The following MAP2K1 variants were observed in gnomAD, a reference collection of about 807,000 sequenced individuals.
MAP2K1 encodes the protein mitogen-activated protein kinase kinase 1, also known as dual specificity mitogen-activated protein kinase kinase 1.
Under a neutral mutation model 46.3 loss-of-function variants are expected in MAP2K1, and 16 were observed. The observed-to-expected ratio is 0.35, with a 90% CI of 0.23 to 0.52. MAP2K1 has a LOEUF of 0.52. Ranked by LOEUF, MAP2K1 falls within the 20% of genes least tolerant of loss-of-function variation. The probability of loss-of-function intolerance (pLI) is 0.94; values close to 1 mark genes in which losing one functional copy is unlikely to be tolerated. For synonymous variants in MAP2K1, 183 were observed against 185.6 expected, an observed-to-expected ratio of 0.99 and a Z score of 0.11; for missense variants, 263 against 497.1, an observed-to-expected ratio of 0.53 and a Z score of 4.48.
At chr15:66,468,641 AT>A (rs561148724) in intron 5 of MAP2K1, among the ~76,000 whole-genome samples, 16 of 151,392 alleles carry the variant, frequency 1.1e-4, no homozygotes, top group South Asian at 2.1e-4. Context: ...TTTAAAAAAA[AT>A]TTTTTTTTGG....
intron 1 of MAP2K1, among the ~76,000 whole-genome samples, chr15:66,402,323 G>A (rs753546677): frequency 2.0e-5 from 3 of 152,170 alleles, no homozygotes; most frequent in Non-Finnish European, 2.9e-5. Flanking sequence ...GGTATGAGGT[G>A]TATGTCTAAG....
chr15:66,415,606 A>G (rs548032350), intron 1 of MAP2K1, among the ~76,000 whole-genome samples: 19 of 151,740 alleles, frequency 1.3e-4, no homozygotes, highest in South Asian at 4.2e-4. Flanking sequence ...TCAAATTCTC[A>G]TCTTGTCTTG....
intron 5 of MAP2K1, among the ~76,000 whole-genome samples, chr15:66,459,519 G>T (rs1892262577): frequency 6.6e-6 from 1 of 151,502 alleles, no homozygotes; most frequent in Non-Finnish European, 1.5e-5. Flanking sequence ...TCAGGAGGCT[G>T]AGGCAGGAGA....
chr15:66,398,390 G>T (rs2093373355), intron 1 of MAP2K1, among the ~76,000 whole-genome samples: 1 of 152,214 alleles, frequency 6.6e-6, no homozygotes, highest in African/African-American at 2.4e-5. Context: ...ACTCTAGCCT[G>T]GGTGAGAGTG....
intron 5 of MAP2K1, among the ~76,000 whole-genome samples, chr15:66,479,821 C>A (rs947536696): frequency 6.6e-6 from 1 of 152,148 alleles, no homozygotes; most frequent in Non-Finnish European, 1.5e-5. Flanking sequence ...ATGGTGATTA[C>A]CCCCAGGCTG....
intron 5 of MAP2K1, among the ~76,000 whole-genome samples, chr15:66,462,523 TA>T (rs959717050): frequency 7.0e-6 from 1 of 142,024 alleles, no homozygotes. Flanking sequence ...AAAAGATTGG[TA>T]AAAAAATGGA....
At chr15:66,429,045 A>G (rs1400203910) in intron 1 of MAP2K1, among the ~76,000 whole-genome samples, 2 of 152,022 alleles carry the variant, frequency 1.3e-5, no homozygotes, top group Admixed American at 6.5e-5. Flanking sequence ...CTCCCAGAGT[A>G]CTAGGATTAC....
intron 1 of MAP2K1, among the ~76,000 whole-genome samples, chr15:66,387,670 G>C (rs2093345294): frequency 6.6e-6 from 1 of 152,200 alleles, no homozygotes; most frequent in Non-Finnish European, 1.5e-5. Context: ...CGTTTTAGTG[G>C]TTCCTGGCCA....
At chr15:66,415,625 G>T (rs751480853) in intron 1 of MAP2K1, among the ~76,000 whole-genome samples, 58 of 151,948 alleles carry the variant, frequency 3.8e-4, no homozygotes, top group Admixed American at 9.8e-4. Flanking sequence ...TGTTTTCCTT[G>T]TTGCCTTCAA....
chr15:66,402,511 G>A (rs2093384607), intron 1 of MAP2K1, among the ~76,000 whole-genome samples: 2 of 152,078 alleles, frequency 1.3e-5, no homozygotes, highest in African/African-American at 4.8e-5. Context: ...ATTTGGTGGG[G>A]TTAAGGAAAA....
intron 1 of MAP2K1, among the ~76,000 whole-genome samples, chr15:66,406,911 A>G (rs943333161): frequency 6.6e-6 from 1 of 152,192 alleles, no homozygotes; most frequent in African/African-American, 2.4e-5. Flanking sequence ...GCATGCCTAT[A>G]ATCCCAGCTA....
intron 3 of MAP2K1, among the ~76,000 whole-genome samples, chr15:66,440,610 C>G (rs1181949924): frequency 2.6e-5 from 4 of 152,146 alleles, no homozygotes; most frequent in African/African-American, 4.8e-5. Context: ...GGTAGCTGAG[C>G]CAACCGGAGA....
intron 3 of MAP2K1, among the ~76,000 whole-genome samples, chr15:66,437,411 A>G (rs1047583601): frequency 1.3e-5 from 2 of 152,146 alleles, no homozygotes; most frequent in East Asian, 1.9e-4. Context: ...TTTTACCACT[A>G]TGTTCTTGGA....
chr15:66,489,509 G>C, intron 9 of MAP2K1: 1 of 670,130 alleles, frequency 1.5e-6, no homozygotes, highest in Non-Finnish European at 2.7e-6. Flanking sequence ...GCTCTCCAGG[G>C]ATTGGCACGT....
intron 1 of MAP2K1, among the ~76,000 whole-genome samples, chr15:66,427,962 C>T (rs976278480): frequency 5.3e-5 from 8 of 152,032 alleles, no homozygotes; most frequent in Non-Finnish European, 8.8e-5. Context: ...TGCAGTAAAC[C>T]GAGATTGCGC....
intron 5 of MAP2K1, among the ~76,000 whole-genome samples, chr15:66,457,178 G>C (rs1298620071): frequency 6.6e-6 from 1 of 152,190 alleles, no homozygotes; most frequent in African/African-American, 2.4e-5. Flanking sequence ...GAGTGCAGTG[G>C]CGTAATCTCG....
At chr15:66,421,373 C>T (rs1036546036) in intron 1 of MAP2K1, among the ~76,000 whole-genome samples, 9 of 151,506 alleles carry the variant, frequency 5.9e-5, no homozygotes, top group Non-Finnish European at 1.2e-4. Context: ...TGAGCTCAAG[C>T]GATCCGCTTT....
intron 5 of MAP2K1, among the ~76,000 whole-genome samples, chr15:66,458,355 A>G (rs969259408): frequency 2.6e-5 from 4 of 152,242 alleles, no homozygotes; most frequent in African/African-American, 9.6e-5. Flanking sequence ...TTAGCCGTAA[A>G]TTATTTCTGC....
intron 5 of MAP2K1, among the ~76,000 whole-genome samples, chr15:66,477,859 C>T (rs1480708523): frequency 6.6e-6 from 1 of 152,150 alleles, no homozygotes; most frequent in South Asian, 2.1e-4. Flanking sequence ...CCTTACCCTT[C>T]TCAGTCTCGT....
Sources: allele counts gnomAD v4.1 joint callset (sites outside exome capture counted in the v4.1 genomes callset), GRCh38; gene constraint gnomAD v4.1.1; transcripts MANE v1.5; gene names NCBI Gene and HGNC (gene_info 2026-07-23, HGNC 2026-07-21).